NFATC2: variants seen among roughly 807,000 people sequenced by gnomAD.
NFATC2 encodes the protein nuclear factor of activated T-cells, cytoplasmic 2.
In NFATC2, 22 loss-of-function variants were observed where a neutral mutation model predicts 87.3. The ratio of observed to expected loss-of-function variants is 0.25; its 90% CI spans 0.18 to 0.36. NFATC2 has a LOEUF of 0.36. Ranked by LOEUF, NFATC2 falls within the 10% of genes least tolerant of loss-of-function variation. The pLI is 1.00. For missense variants in NFATC2, 1,149 were observed against 1,259.1 expected (o/e 0.91, Z 1.32); for synonymous variants, 565 against 542.2 (o/e 1.04, Z -0.58).
At chr20:51,543,974 A>ATTT (rs2076864385), upstream of NFATC2, among the ~76,000 whole-genome samples, 3 of 79,144 alleles carry the variant, frequency 3.8e-5, no homozygotes, top group Admixed American at 1.4e-4. Context: ...CAGAATTCCT[A>ATTT]ATTTTTTTTT....
rs371771220 is a variant in NFATC2 at position 51,467,003 on chromosome 20, T to C, written c.1708+6977A>G. ...AGGAGAATCGCTTCAACCTGGGAGG[T>C]AGAGGTCACAGTGAGCCAAGACTGC... On this transcript the variant is annotated intron_variant, in intron 5 of 10. Coordinates refer to ENST00000371564, the MANE Select transcript of NFATC2 (RefSeq NM_012340.5). Among the ~76,000 whole-genome samples, 24 of 131,340 alleles carry C rather than the reference T, an allele frequency of 1.8e-4. No individual in the cohort carries two copies. In the East Asian group the frequency reaches 5.1e-3, roughly 28 times the overall value. The allele number at this position is 131,340 out of a possible 152,430, so 86.2% of individuals were successfully genotyped here. A position where few individuals can be genotyped will look rare whatever the true frequency, so the allele number is the denominator to read the frequency against.
chr20:51,408,512 T>TAAAAAAAAAAAAAAAAAA lies in NFATC2; in HGVS notation c.2723-9800_2723-9783dup, dbSNP rs11480882. ...CTGGGGGACTGAGCAAGACTCTTTTTAAAAAAAAAAAAAAAAAAAGCCAGA... is the reference window on the plus strand; with the variant it reads ...CTGGGGGACTGAGCAAGACTCTTTTTAAAAAAAAAAAAAAAAAAAAAAAAAAAAAAAAAAAAAGCCAGA... On this transcript the variant is annotated intron_variant, in intron 9 of 10. Transcript: ENST00000371564. Among the ~76,000 whole-genome samples the TAAAAAAAAAAAAAAAAAA allele has an allele frequency of 1.5e-5, 2 of 137,248 alleles. 1 individual carries two copies. 90.0% of individuals were successfully genotyped at this position (137,248 alleles called of 152,430 possible). A position where few individuals can be genotyped will look rare whatever the true frequency, so the allele number is the denominator to read the frequency against.
upstream of NFATC2, among the ~76,000 whole-genome samples, chr20:51,543,115 G>A (rs2076852807): frequency 6.6e-6 from 1 of 152,146 alleles, no homozygotes; most frequent in South Asian, 2.1e-4. Context: ...GTCTCCAGGC[G>A]TCTCCGTGTG....
At chr20:51,513,590 G>A (rs1176084967) in intron 3 of NFATC2, among the ~76,000 whole-genome samples, 1 of 152,274 alleles carries the variant, frequency 6.6e-6, no homozygotes, top group Non-Finnish European at 1.5e-5. Flanking sequence ...CCTAGCAGGT[G>A]TCTCCTGGAC....
chr20:51,549,522 A>G (rs547751565), intron 1 of NFATC2, among the ~76,000 whole-genome samples: 5 of 152,370 alleles, frequency 3.3e-5, no homozygotes, highest in African/African-American at 1.2e-4. Context: ...GGTCAATGGC[A>G]TGAAGACATA....
chr20:51,559,005 T>C (rs554105185), intron 1 of NFATC2, among the ~76,000 whole-genome samples: 194 of 152,314 alleles, frequency 1.3e-3, no homozygotes, highest in African/African-American at 4.5e-3. Flanking sequence ...TTAATAAAGT[T>C]AGTCATGGGA....
intron 9 of NFATC2, among the ~76,000 whole-genome samples, chr20:51,418,137 G>A (rs956976821): frequency 6.6e-6 from 1 of 152,192 alleles, no homozygotes; most frequent in East Asian, 1.9e-4. Flanking sequence ...ACTAGTTCCC[G>A]GTGGCTTCCC....
At chr20:51,421,065 C>G (rs1396070800) in intron 9 of NFATC2, among the ~76,000 whole-genome samples, 1 of 130,130 alleles carries the variant, frequency 7.7e-6, no homozygotes, top group Admixed American at 7.5e-5. Context: ...TAGCAAGACC[C>G]TATGTCTTAA....
intron 1 of NFATC2, among the ~76,000 whole-genome samples, chr20:51,550,314 C>T (rs551964131): frequency 3.9e-5 from 6 of 152,210 alleles, no homozygotes; most frequent in South Asian, 4.1e-4. Context: ...AGGCCAAGCA[C>T]GGTGGCTCAT....
At chr20:51,467,685 A>G (rs994075337) in intron 5 of NFATC2, among the ~76,000 whole-genome samples, 3 of 152,250 alleles carry the variant, frequency 2.0e-5, no homozygotes, top group Admixed American at 2.0e-4. Context: ...TTAAAATTTA[A>G]AAGACTGACA....
rs1194790518 is a variant in NFATC2, at chr20:51,450,316, C to T, written c.1849+4232G>A. Among the ~76,000 whole-genome samples the T allele has an allele frequency of 2.0e-5, 3 of 152,266 alleles. No individual in the cohort carries two copies. The East Asian group carries it at 5.8e-4, about 29-fold the overall frequency. ...CAGCCTAGGCCAGCACCTGGGGCAG[C>T]ATGTATCAACTGAATGATGACTATG... On this transcript the variant is annotated intron_variant, in intron 6 of 10. Transcript: ENST00000371564.
At position 51,524,197 on chromosome 20, in the gene NFATC2, C is replaced by T. The variant is rs1034474184; in HGVS notation, c.131-87G>A. On this transcript the variant is annotated intron_variant, in intron 1 of 10. Coordinates refer to ENST00000371564, the MANE Select transcript of NFATC2 (RefSeq NM_012340.5). The surrounding 1 kb of genome is among the most constrained non-coding windows in gnomAD (Gnocchi z 4.0). ...AGCAATCACAGGCTGGATTTCGTCT[C>T]ACGTCGTTTATTTTTTTCAAATTCC... 6.5e-6 allele frequency: 8 copies of T among 1,239,698 alleles called. No homozygotes were observed. Among genetic ancestry groups the T allele is most frequent in the Non-Finnish European group, 8.4e-6 (8 of 949,512 alleles). 76.8% of individuals were successfully genotyped at this position (1,239,698 alleles called of 1,614,324 possible). A position where few individuals can be genotyped will look rare whatever the true frequency, so the allele number is the denominator to read the frequency against.
rs940051061 is a variant in NFATC2 at position 51,445,285 on chromosome 20, C to T, written c.1849+9263G>A. ...CTTCCCATTCCTCAAATGCCCTAAG[C>T]TCATCTCCACGCTGGGGCCTTGGCA... On this transcript the variant is annotated intron_variant, in intron 6 of 10. Transcript: ENST00000371564. 2.6e-5 allele frequency among the ~76,000 whole-genome samples: 4 copies of T among 152,284 alleles called. 1 individual carries two copies. Among genetic ancestry groups the T allele is most frequent in the Admixed American group, 2.6e-4 (4 of 15,298 alleles).
chr20:51,515,452 G>C (rs1467046128), intron 3 of NFATC2, among the ~76,000 whole-genome samples: 1 of 152,206 alleles, frequency 6.6e-6, no homozygotes, highest in Non-Finnish European at 1.5e-5. Context: ...AGAGAAGACA[G>C]TTTAAAATCT....
At chr20:51,401,999 C>A in intron 9 of NFATC2, among the ~76,000 whole-genome samples, 1 of 152,300 alleles carries the variant, frequency 6.6e-6, no homozygotes, top group East Asian at 1.9e-4. Flanking sequence ...CGTGCATCTC[C>A]GTGGTGGAAC....
At chr20:51,403,836 C>T (rs568015136) in intron 9 of NFATC2, among the ~76,000 whole-genome samples, 1 of 152,302 alleles carries the variant, frequency 6.6e-6, no homozygotes, top group Non-Finnish European at 1.5e-5. Context: ...AGATAAATTT[C>T]TGTTGTTTAA....
At position 51,421,082 on chromosome 20, in the gene NFATC2, A is replaced by C. The variant is rs565665124; in HGVS notation, c.2722+10985T>G. Among the ~76,000 whole-genome samples, 126 of 151,954 alleles carry C rather than the reference A, an allele frequency of 8.3e-4. 1 individual carries two copies. The highest frequency in any genetic ancestry group is 1.5e-3 in the Admixed American group (23 of 15,260). ...GCAAGACCCTATGTCTTAAAAAAAA[A>C]AAAAAACAAAAAAAACTAATAACAA... On this transcript the variant is annotated intron_variant, in intron 9 of 10. Coordinates refer to ENST00000371564, the MANE Select transcript of NFATC2 (RefSeq NM_012340.5).
At chr20:51,396,090 A>G (rs1046896893) in intron 10 of NFATC2, among the ~76,000 whole-genome samples, 1 of 110,334 alleles carries the variant, frequency 9.1e-6, no homozygotes, top group African/African-American at 3.6e-5. Context: ...ATATATATAT[A>G]TATAAGCTAA....
At chr20:51,402,621 T>C (rs1988169526) in intron 9 of NFATC2, among the ~76,000 whole-genome samples, 1 of 151,434 alleles carries the variant, frequency 6.6e-6, no homozygotes, top group Non-Finnish European at 1.5e-5. Flanking sequence ...GGAAGACATA[T>C]ACCATAAACC....
Sources: allele counts gnomAD v4.1 joint callset (sites outside exome capture counted in the v4.1 genomes callset), GRCh38; gene constraint gnomAD v4.1.1; non-coding constraint Gnocchi (gnomAD v3.1); transcripts MANE v1.5; gene names NCBI Gene and HGNC (gene_info 2026-07-23, HGNC 2026-07-21).